CACNG3: variants seen among roughly 807,000 people sequenced by gnomAD.
CACNG3 encodes calcium voltage-gated channel auxiliary subunit gamma 3.
Under a neutral mutation model 28.5 loss-of-function variants are expected in CACNG3, and 3 were observed. The ratio of observed to expected loss-of-function variants is 0.11; its 90% confidence interval spans 0.05 to 0.27. CACNG3 has a LOEUF of 0.27. CACNG3 is among the 10% of genes least tolerant of loss of function. The probability of loss-of-function intolerance (pLI) is 1.00; values close to 1 mark genes in which losing one functional copy is unlikely to be tolerated. For missense variants in CACNG3, 236 were observed against 414.4 expected, an observed-to-expected ratio of 0.57 and a Z score of 3.74; for synonymous variants, 174 against 162.2, an observed-to-expected ratio of 1.07 and a Z score of -0.55.
chr16:24,317,631 ACAG>A lies in CACNG3; in HGVS notation c.212-29102_212-29100del, dbSNP rs1477510763. Among the ~76,000 whole-genome samples the A allele has an allele frequency of 3.5e-3, 194 of 55,728 alleles. 3 individuals carry two copies. Among genetic ancestry groups the A allele is most frequent in the Middle Eastern group, 8.2e-3 (1 of 122 alleles). 36.6% of individuals were successfully genotyped at this position (55,728 alleles called of 152,430 possible). On this transcript the variant is annotated intron_variant, in intron 1 of 3. Coordinates refer to ENST00000005284, the MANE Select transcript of CACNG3 (RefSeq NM_006539.4). Reference sequence around the variant, plus strand: ...GAAAGAAAGAAAGAAAGAAAGACAGACAGAAAGAAAGAAAAGAAAAGAAAGAAA... The same window carrying A: ...GAAAGAAAGAAAGAAAGAAAGACAGAAAAGAAAGAAAAGAAAAGAAAGAAA...
At chr16:24,309,076 A>G (rs1170972058) in intron 1 of CACNG3, among the ~76,000 whole-genome samples, 1 of 152,132 alleles carries the variant, frequency 6.6e-6, no homozygotes, top group Admixed American at 6.6e-5. Context: ...AAGGTTACAC[A>G]GCTAATAAAG....
chr16:24,323,418 T>C (rs1899493369), intron 1 of CACNG3, among the ~76,000 whole-genome samples: 1 of 152,146 alleles, frequency 6.6e-6, no homozygotes. Flanking sequence ...CCCAAGCTTT[T>C]TGATTTTTAC....
intron 1 of CACNG3, among the ~76,000 whole-genome samples, chr16:24,260,508 C>T (rs1898523370): frequency 6.6e-6 from 1 of 152,214 alleles, no homozygotes; most frequent in Admixed American, 6.5e-5. Context: ...AGGTCACACA[C>T]CTAAACTCAG....
chr16:24,337,202 G>C (rs183795711), intron 1 of CACNG3, among the ~76,000 whole-genome samples: 55 of 152,290 alleles, frequency 3.6e-4, no homozygotes, highest in African/African-American at 9.1e-4. Flanking sequence ...TTAGTGGCTG[G>C]CCAAGGATTC....
At chr16:24,293,668 G>A (rs1024181486) in intron 1 of CACNG3, among the ~76,000 whole-genome samples, 2 of 152,016 alleles carry the variant, frequency 1.3e-5, no homozygotes, top group African/African-American at 4.8e-5. Flanking sequence ...AAGATATTTG[G>A]GATGCCTTCT....
intron 1 of CACNG3, among the ~76,000 whole-genome samples, chr16:24,277,112 G>T (rs1404111778): frequency 1.3e-5 from 2 of 152,118 alleles, no homozygotes; most frequent in Non-Finnish European, 2.9e-5. Flanking sequence ...GTTTTTGTTT[G>T]TTGTTTGGCC....
At chr16:24,297,892 C>T (rs1899053512) in intron 1 of CACNG3, among the ~76,000 whole-genome samples, 1 of 152,078 alleles carries the variant, frequency 6.6e-6, no homozygotes, top group Non-Finnish European at 1.5e-5. Flanking sequence ...GGGGGAAAGA[C>T]TGGATCATAC....
intron 1 of CACNG3, among the ~76,000 whole-genome samples, chr16:24,260,134 T>A (rs1161050587): frequency 6.6e-6 from 1 of 152,236 alleles, no homozygotes; most frequent in Admixed American, 6.5e-5. Flanking sequence ...TTGAGTGACA[T>A]GATCAGCCAA....
At chr16:24,328,064 A>C (rs899355645) in intron 1 of CACNG3, among the ~76,000 whole-genome samples, 1 of 152,210 alleles carries the variant, frequency 6.6e-6, no homozygotes. Context: ...GACAGTGGTG[A>C]GCAAGACAGA....
intron 1 of CACNG3, among the ~76,000 whole-genome samples, chr16:24,337,528 A>G (rs1472799489): frequency 6.6e-6 from 1 of 151,980 alleles, no homozygotes; most frequent in Non-Finnish European, 1.5e-5. Flanking sequence ...AGAGTTAAAC[A>G]TACAGGCCAG....
Position 24,309,146 on chromosome 16 carries a change from G to C in CACNG3, c.212-37588G>C, listed in dbSNP as rs957924345. ...CATTGTTCGATTATCTCTCCAATGC[G>C]CACAAAGTTAAGGCATTTGAACAAA... On this transcript the variant is annotated intron_variant, in intron 1 of 3. Coordinates refer to ENST00000005284, the MANE Select transcript of CACNG3 (RefSeq NM_006539.4). Among the ~76,000 whole-genome samples, 3 of 152,146 alleles carry C rather than the reference G, an allele frequency of 2.0e-5. 1 individual carries two copies. Among genetic ancestry groups the C allele is most frequent in the South Asian group, 4.1e-4 (2 of 4,828 alleles).
intron 1 of CACNG3, among the ~76,000 whole-genome samples, chr16:24,324,184 A>G (rs1899504247): frequency 6.6e-6 from 1 of 152,226 alleles, no homozygotes; most frequent in Non-Finnish European, 1.5e-5. Flanking sequence ...AGTTCAATAA[A>G]GGTAAAGGTC....
intron 1 of CACNG3, among the ~76,000 whole-genome samples, chr16:24,294,898 G>T (rs1596631430): frequency 6.6e-6 from 1 of 152,170 alleles, no homozygotes; most frequent in East Asian, 1.9e-4. Flanking sequence ...AGGACTTTGA[G>T]AATGATATTG....
Position 24,357,787 on chromosome 16 carries a change from G to T in CACNG3, c.436+2814G>T, listed in dbSNP as rs142396800. Reference sequence around the variant, plus strand: ...GGTGCTTGGCCGATCCAGAGGATCAGTACCAGTGTCATGCTGATGTGAGAG... The same window carrying T: ...GGTGCTTGGCCGATCCAGAGGATCATTACCAGTGTCATGCTGATGTGAGAG... On this transcript the variant is annotated intron_variant, in intron 3 of 3. Coordinates refer to ENST00000005284, the MANE Select transcript of CACNG3 (RefSeq NM_006539.4). 4.1e-3 allele frequency among the ~76,000 whole-genome samples: 619 copies of T among 152,382 alleles called. 4 individuals are homozygous for T. Among genetic ancestry groups the T allele is most frequent in the Non-Finnish European group, 6.3e-3 (426 of 68,042 alleles).
At chr16:24,317,123 C>T (rs886362353) in intron 1 of CACNG3, among the ~76,000 whole-genome samples, 1 of 152,140 alleles carries the variant, frequency 6.6e-6, no homozygotes, top group Non-Finnish European at 1.5e-5. Flanking sequence ...CCCACACATC[C>T]CATGTCTCAG....
At chr16:24,332,808 C>T (rs1166047841) in intron 1 of CACNG3, among the ~76,000 whole-genome samples, 5 of 152,170 alleles carry the variant, frequency 3.3e-5, no homozygotes, top group Admixed American at 3.3e-4. Context: ...CTCCACACCC[C>T]TGCCCCATTT....
chr16:24,341,226 TC>T (rs1198076303), intron 1 of CACNG3, among the ~76,000 whole-genome samples: 18 of 152,260 alleles, frequency 1.2e-4, no homozygotes, highest in Non-Finnish European at 2.1e-4. Flanking sequence ...AGTGGTTATT[TC>T]TGGGAGCCAG....
intron 1 of CACNG3, among the ~76,000 whole-genome samples, chr16:24,269,613 G>A (rs985943799): frequency 4.6e-5 from 7 of 152,062 alleles, no homozygotes; most frequent in Admixed American, 1.3e-4. Context: ...CCAGTGTGGT[G>A]GTGGGCACCT....
At chr16:24,276,069 C>G (rs1898749944) in intron 1 of CACNG3, among the ~76,000 whole-genome samples, 1 of 152,192 alleles carries the variant, frequency 6.6e-6, no homozygotes, top group Non-Finnish European at 1.5e-5. Flanking sequence ...ATTTGTCAAA[C>G]TTGTGTGAGG....
Sources: gnomAD v4.1 joint callset for allele counts (sites outside exome capture counted in the v4.1 genomes callset) on GRCh38, gnomAD v4.1.1 for gene constraint, MANE v1.5 for transcripts, NCBI Gene and HGNC (gene_info 2026-07-23, HGNC 2026-07-21) for gene names.